The following EYA2 variants were observed in gnomAD, a reference collection of about 807,000 sequenced individuals.
The protein encoded by EYA2 is EYA transcriptional coactivator and phosphatase 2, also known as protein phosphatase EYA2.
Under a neutral mutation model 69.2 loss-of-function variants are expected in EYA2, and 31 were observed. The ratio of observed to expected loss-of-function variants is 0.45; its 90% CI spans 0.34 to 0.60. The LOEUF (loss-of-function observed/expected upper bound fraction) is 0.60. Among genes scored for constraint, EYA2 ranks in the 20% least tolerant of loss-of-function variants. The pLI is 0.02. For synonymous variants in EYA2, 257 were observed against 279.4 expected (o/e 0.92, Z 0.80); for missense variants, 622 against 701.2 (o/e 0.89, Z 1.28).
Position 46,905,939 on chromosome 20 carries a change from TCTTCAGGTAGCTACCGTTTGGGGA to T in EYA2, c.-11+10956_-11+10979del, listed in dbSNP as rs534275307. 3.5e-3 allele frequency among the ~76,000 whole-genome samples: 531 copies of T among 152,310 alleles called. 4 individuals carry two copies. The highest frequency in any genetic ancestry group is 0.012 in the African/African-American group (507 of 41,568). The stretch of plus-strand genomic sequence containing the variant: ...TTGCCCCAGGCACATTCCTTACTGT[TCTTCAGGTAGCTACCGTTTGGGGA>T]CTTTAGACATTCTGGAAGAATCTGT... On this transcript the variant is annotated intron_variant, in intron 1 of 15. Transcript: ENST00000327619.
intron 10 of EYA2, among the ~76,000 whole-genome samples, chr20:47,158,118 G>A (rs1054869808): frequency 6.6e-6 from 1 of 151,984 alleles, no homozygotes; most frequent in Non-Finnish European, 1.5e-5. Flanking sequence ...GGTGAAAAGA[G>A]GGGTCTGGAC....
intron 1 of EYA2, among the ~76,000 whole-genome samples, chr20:46,946,816 C>T (rs985842735): frequency 5.0e-5 from 7 of 138,676 alleles, no homozygotes; most frequent in Admixed American, 1.4e-4. Flanking sequence ...CTTTGTTCTA[C>T]GAACTCCCTT....
chr20:47,169,516 A>G (rs2034276509), intron 11 of EYA2, among the ~76,000 whole-genome samples: 1 of 152,182 alleles, frequency 6.6e-6, no homozygotes, highest in Non-Finnish European at 1.5e-5. Context: ...ATTTGTTTAA[A>G]AAATCACAAC....
chr20:47,058,795 G>A (rs1163454891), intron 5 of EYA2, among the ~76,000 whole-genome samples: 4 of 152,138 alleles, frequency 2.6e-5, no homozygotes, highest in South Asian at 2.1e-4. Context: ...AGCTATGATC[G>A]TGCCACTGCA....
In EYA2 at chr20:47,089,399, T is replaced by C. The variant is rs769973731; in HGVS notation, c.804+18T>C. ...AGATTGAGGTAATCCAAAGGGGCTC[T>C]GTGTGACCTGGTGAATGTAATCTCC... On this transcript the variant is annotated intron_variant, in intron 8 of 15. Transcript: ENST00000327619. 4.4e-6 allele frequency: 7 copies of C among 1,603,480 alleles called. No individual in the cohort carries two copies. The African/African-American group carries it at 6.7e-5, about 15-fold the overall frequency.
chr20:46,916,456 T>TTG (rs1244371183), intron 1 of EYA2, among the ~76,000 whole-genome samples: 4 of 151,632 alleles, frequency 2.6e-5, no homozygotes, highest in Non-Finnish European at 5.9e-5. Context: ...GTGTGTGAGT[T>TTG]TGTGTGTGTG....
chr20:47,061,824 A>G (rs553295223), intron 5 of EYA2, among the ~76,000 whole-genome samples: 2 of 152,334 alleles, frequency 1.3e-5, no homozygotes, highest in South Asian at 2.1e-4. Flanking sequence ...CTAATCACAC[A>G]TCGTGAACCA....
intron 9 of EYA2, among the ~76,000 whole-genome samples, chr20:47,138,348 A>C (rs1028644541): frequency 1.3e-5 from 2 of 152,174 alleles, no homozygotes; most frequent in Non-Finnish European, 2.9e-5. Context: ...AGAATGCTCC[A>C]AGAGTAGGTG....
intron 4 of EYA2, among the ~76,000 whole-genome samples, chr20:47,009,037 A>G (rs3787264): frequency 0.11 from 17,409 of 152,230 alleles, 1,407 homozygotes; most frequent in East Asian, 0.35. Context: ...GTGTTCCAAT[A>G]AAACTTTATT....
intron 9 of EYA2, among the ~76,000 whole-genome samples, chr20:47,098,477 C>T (rs77032725): frequency 0.017 from 2,598 of 152,316 alleles, 68 homozygotes; most frequent in African/African-American, 0.058. Context: ...TCCATAGCTC[C>T]GTGCAACAAC....
intron 7 of EYA2, among the ~76,000 whole-genome samples, chr20:47,085,971 A>G (rs1018358626): frequency 2.0e-5 from 3 of 152,326 alleles, no homozygotes; most frequent in African/African-American, 7.2e-5. Context: ...TGTACTCTAA[A>G]TATGTCTAGT....
At chr20:47,093,708 A>G (rs2032157749) in intron 8 of EYA2, among the ~76,000 whole-genome samples, 2 of 152,244 alleles carry the variant, frequency 1.3e-5, no homozygotes, top group Admixed American at 1.3e-4. Context: ...AAACTGAGCC[A>G]AGAGCCATGC....
intron 1 of EYA2, among the ~76,000 whole-genome samples, chr20:46,969,579 G>T (rs1202845094): frequency 6.6e-6 from 1 of 151,960 alleles, no homozygotes; most frequent in East Asian, 1.9e-4. Context: ...GTGTCTTGTT[G>T]TTGTTGTTTT....
intron 4 of EYA2, among the ~76,000 whole-genome samples, chr20:47,015,352 T>TG (rs1983345860): frequency 6.6e-6 from 1 of 152,254 alleles, no homozygotes; most frequent in Non-Finnish European, 1.5e-5. Flanking sequence ...TTAGTACCTA[T>TG]GCTTTAGGTA....
chr20:46,944,410 T>C (rs1978339195), intron 1 of EYA2, among the ~76,000 whole-genome samples: 1 of 152,040 alleles, frequency 6.6e-6, no homozygotes, highest in African/African-American at 2.4e-5. Flanking sequence ...GCAGTGGGAA[T>C]AAAGGGGTCT....
chr20:47,187,364 AG>A (rs201913099), intron 15 of EYA2, among the ~76,000 whole-genome samples: 77 of 152,076 alleles, frequency 5.1e-4, no homozygotes, highest in African/African-American at 1.7e-3. Context: ...AAAGAAAGAA[AG>A]AAAAAAAAAA....
At chr20:46,939,262 A>G (rs1986051721) in intron 1 of EYA2, among the ~76,000 whole-genome samples, 2 of 152,096 alleles carry the variant, frequency 1.3e-5, no homozygotes, top group Admixed American at 6.6e-5. Flanking sequence ...AGGAAAAGGC[A>G]CCATCTCACC....
At chr20:46,970,407 T>C (rs1262161362) in intron 1 of EYA2, among the ~76,000 whole-genome samples, 1 of 152,148 alleles carries the variant, frequency 6.6e-6, no homozygotes, top group African/African-American at 2.4e-5. Flanking sequence ...CATTTTTAGT[T>C]GTTACAACTC....
intron 1 of EYA2, among the ~76,000 whole-genome samples, chr20:46,953,039 A>G (rs975530749): frequency 1.3e-5 from 2 of 152,174 alleles, no homozygotes; most frequent in African/African-American, 4.8e-5. Context: ...GAGAGACCCA[A>G]TATTTGAAGT....
Sources: allele counts gnomAD v4.1 joint callset (sites outside exome capture counted in the v4.1 genomes callset), GRCh38; gene constraint gnomAD v4.1.1; transcripts MANE v1.5; gene names NCBI Gene and HGNC (gene_info 2026-07-23, HGNC 2026-07-21).